Variants in CDRT4 observed in about 807,000 individuals in gnomAD.
The protein encoded by CDRT4 is CMT1A duplicated region transcript 4 protein.
For missense variants in CDRT4, 167 were observed against 193.1 expected (o/e 0.87, Z 0.80); for synonymous variants, 64 against 69.6 (o/e 0.92, Z 0.40).
Position 15,436,429 on chromosome 17 carries a change from A to G in CDRT4, c.*1344T>C, listed in dbSNP as rs1978489754. On this transcript the variant is annotated 3_prime_UTR_variant, in exon 4 of 4. Coordinates refer to ENST00000619038, the MANE Select transcript of CDRT4 (RefSeq NM_001204477.2). ...TCAGGTAAGGTCAGCCTTACTCAGT[A>G]GATAAACCCCAAACATGAAACCAGC... is the stretch of plus-strand genomic sequence containing the variant. The G allele has an allele frequency of 6.6e-6, 1 of 152,262 alleles. No homozygotes were observed. The highest frequency in any genetic ancestry group is 6.5e-5 in the Admixed American group (1 of 15,284). 9.4% of individuals were successfully genotyped at this position (152,262 alleles called of 1,614,324 possible).
At chr17:15,457,897 C>T (rs1979560110) in intron 1 of CDRT4, among the ~76,000 whole-genome samples, 1 of 152,218 alleles carries the variant, frequency 6.6e-6, no homozygotes, top group African/African-American at 2.4e-5. Flanking sequence ...CTAAAGAACC[C>T]TCTGTTCCCC....
chr17:15,442,850 ACAT>A (rs1330753145), intron 2 of CDRT4, among the ~76,000 whole-genome samples: 3 of 152,256 alleles, frequency 2.0e-5, no homozygotes, highest in Non-Finnish European at 4.4e-5. Flanking sequence ...CAAATAGTTG[ACAT>A]TAAGTCTGAA....
chr17:15,452,258 G>A (rs542441334), intron 2 of CDRT4, among the ~76,000 whole-genome samples: 136 of 152,310 alleles, frequency 8.9e-4, no homozygotes, highest in African/African-American at 2.8e-3. Flanking sequence ...GAGCCTTAAA[G>A]TTTTCCCCCA....
intron 1 of CDRT4, among the ~76,000 whole-genome samples, chr17:15,466,201 A>T (rs1462171362): frequency 6.6e-6 from 1 of 152,174 alleles, no homozygotes; most frequent in East Asian, 1.9e-4. Flanking sequence ...TCGGCTGCCC[A>T]TGTTCTTAAC....
chr17:15,465,826 C>T (rs1162144054), intron 1 of CDRT4, among the ~76,000 whole-genome samples: 1 of 151,852 alleles, frequency 6.6e-6, no homozygotes, highest in Admixed American at 6.6e-5. Flanking sequence ...TGGCCATCCA[C>T]CGTGGGGAGG....
intron 1 of CDRT4, among the ~76,000 whole-genome samples, chr17:15,462,912 A>G (rs182477624): frequency 6.6e-6 from 1 of 152,276 alleles, no homozygotes. Context: ...TTCACTTTAG[A>G]CACATCACCA....
At chr17:15,451,522 C>CT (rs1265164914) in intron 2 of CDRT4, among the ~76,000 whole-genome samples, 2 of 152,066 alleles carry the variant, frequency 1.3e-5, no homozygotes, top group Admixed American at 1.3e-4. Context: ...CCTGCAAATC[C>CT]TCTTTGATCT....
chr17:15,442,039 G>A (rs1335074788), intron 2 of CDRT4, among the ~76,000 whole-genome samples: 2 of 152,076 alleles, frequency 1.3e-5, no homozygotes, highest in African/African-American at 2.4e-5. Context: ...CACATGACAC[G>A]CAAGTGGCCA....
Position 15,437,719 on chromosome 17 carries a change from G to T in CDRT4, c.*54C>A. Reference sequence around the variant, plus strand: ...GGAGCTTAACTTTTGTACGTTCTTGGGGAATGGCTGCAGGGACCCCTGGCT... The same window carrying T: ...GGAGCTTAACTTTTGTACGTTCTTGTGGAATGGCTGCAGGGACCCCTGGCT... On this transcript the variant is annotated 3_prime_UTR_variant, in exon 4 of 4. Transcript: ENST00000619038. 1 of 1,555,632 alleles carries T rather than the reference G, an allele frequency of 6.4e-7. No individual in the cohort carries two copies. The highest frequency in any genetic ancestry group is 8.8e-7 in the Non-Finnish European group (1 of 1,134,238).
At position 15,437,845 on chromosome 17, in the gene CDRT4, T is replaced by C. The variant is rs1468734973; in HGVS notation, c.387A>G (p.Pro129=). The C allele has an allele frequency of 7.4e-6, 12 of 1,614,062 alleles. No homozygotes were observed. Among genetic ancestry groups the C allele is most frequent in the Non-Finnish European group, 1.0e-5 (12 of 1,180,042 alleles). Residue 129 remains proline (P), a synonymous_variant, in exon 4 of 4, where the codon CCA becomes CCG. Transcript: ENST00000619038. ...AGATGATCTTGTTATAGTTTTCAGT[T>C]GGACAGTCTCTGGAATCCGCATGTA... ...THLHADSRDC[P]TENYNKIIFA... is the part of the protein sequence containing the mutation.
Position 15,464,632 on chromosome 17 carries a change from C to A in CDRT4, c.-130+2828G>T, listed in dbSNP as rs1350057699. 6.6e-6 allele frequency among the ~76,000 whole-genome samples: 1 copy of A among 152,148 alleles called. No homozygotes were observed. The highest frequency in any genetic ancestry group is 6.5e-5 in the Admixed American group (1 of 15,284). ...AGCTTCCCTCTGCTCCCCTCTCCAGCACTTTTCCAAATGTCCCTCCTTATG... is the reference window on the plus strand; with the variant it reads ...AGCTTCCCTCTGCTCCCCTCTCCAGAACTTTTCCAAATGTCCCTCCTTATG... On this transcript the variant is annotated intron_variant, in intron 1 of 3. Transcript: ENST00000619038. The surrounding 1 kb of genome is among the most constrained non-coding windows in gnomAD (Gnocchi z 4.5).
rs541655846 is a variant in CDRT4 at position 15,466,327 on chromosome 17, G to A, written c.-130+1133C>T. 3.0e-3 allele frequency among the ~76,000 whole-genome samples: 464 copies of A among 152,302 alleles called. 4 individuals are homozygous for A. Among genetic ancestry groups the A allele is most frequent in the Non-Finnish European group, 4.9e-3 (331 of 68,024 alleles). ...GCTCAGGCCTCCAGAAACACTGCCT[G>A]GGGTGGGAGCCTGGGCGCTGGGCCA... On this transcript the variant is annotated intron_variant, in intron 1 of 3. Coordinates refer to ENST00000619038, the MANE Select transcript of CDRT4 (RefSeq NM_001204477.2).
chr17:15,457,510 T>C (rs538558682), intron 1 of CDRT4, among the ~76,000 whole-genome samples: 1 of 152,296 alleles, frequency 6.6e-6, no homozygotes, highest in African/African-American at 2.4e-5. Flanking sequence ...ACGCAGAAGG[T>C]GCCCAGATGG....
At chr17:15,458,083 C>G (rs1979569072) in intron 1 of CDRT4, among the ~76,000 whole-genome samples, 1 of 152,222 alleles carries the variant, frequency 6.6e-6, no homozygotes, top group Non-Finnish European at 1.5e-5. Flanking sequence ...AGGGTACAGT[C>G]CTTCTAACCA....
intron 2 of CDRT4, among the ~76,000 whole-genome samples, chr17:15,445,939 CCT>C (rs1979003720): frequency 1.3e-5 from 2 of 152,246 alleles, no homozygotes; most frequent in Admixed American, 6.5e-5. Flanking sequence ...TGCATTTTAT[CCT>C]CTTTGACCTT....
At chr17:15,456,563 TACACACACACACAC>T (rs3029212) in intron 1 of CDRT4, among the ~76,000 whole-genome samples, 1 of 145,612 alleles carries the variant, frequency 6.9e-6, no homozygotes, top group South Asian at 2.2e-4. Flanking sequence ...AATCTTCCTT[TACACACACACACAC>T]ACACACACAC....
intron 1 of CDRT4, among the ~76,000 whole-genome samples, chr17:15,462,081 G>A (rs1448163307): frequency 6.6e-6 from 1 of 152,108 alleles, no homozygotes; most frequent in East Asian, 1.9e-4. Flanking sequence ...TTAGGGAACT[G>A]CAGAAATGGC....
intron 1 of CDRT4, among the ~76,000 whole-genome samples, chr17:15,455,971 G>A (rs1371582317): frequency 3.9e-5 from 6 of 152,148 alleles, no homozygotes; most frequent in Non-Finnish European, 7.4e-5. Context: ...CCTTTGGAGT[G>A]CTTTGTTACC....
chr17:15,440,208 C>T lies in CDRT4; in HGVS notation c.31G>A (p.Gly11Arg). 6.3e-7 allele frequency: 1 copy of T among 1,598,224 alleles called. No individual in the cohort carries two copies. Among genetic ancestry groups the T allele is most frequent in the Non-Finnish European group, 8.5e-7 (1 of 1,179,372 alleles). The change falls in exon 3 of 4, where the codon GGA (glycine) becomes AGA (arginine). Residue 11 changes from glycine to arginine, a missense_variant and splice_region_variant. Coordinates refer to ENST00000619038, the MANE Select transcript of CDRT4 (RefSeq NM_001204477.2). MDARRMKKEE[G>R]LTENTGLPRK... The stretch of plus-strand genomic sequence containing the variant: ...CCACTGGTAACACTCCCAACCCTAC[C>T]TTCTTCTTTCTTCATCCTTCTTGCA...
Sources: allele counts gnomAD v4.1 joint callset (sites outside exome capture counted in the v4.1 genomes callset), GRCh38; gene constraint gnomAD v4.1.1; non-coding constraint Gnocchi (gnomAD v3.1); transcripts MANE v1.5; gene names NCBI Gene and HGNC (gene_info 2026-07-23, HGNC 2026-07-21).